The following IGF1R variants were observed in gnomAD, a reference collection of about 807,000 sequenced individuals.
The protein encoded by IGF1R is insulin-like growth factor 1 receptor.
IGF1R carries 44 observed loss-of-function variants against 144.6 expected under a neutral mutation model. The observed-to-expected ratio is 0.30, with a 90% confidence interval of 0.24 to 0.39. IGF1R has a LOEUF of 0.39. Ranked by LOEUF, IGF1R falls within the 10% of genes least tolerant of loss-of-function variation. The pLI is 1.00. For synonymous variants in IGF1R, 795 were observed against 722.8 expected (o/e 1.10, Z -1.60); for missense variants, 1,355 against 1,833.7 (o/e 0.74, Z 4.77).
chr15:98,726,310 C>T (rs1053898074), intron 2 of IGF1R, among the ~76,000 whole-genome samples: 1 of 152,206 alleles, frequency 6.6e-6, no homozygotes, highest in Non-Finnish European at 1.5e-5. Flanking sequence ...TCACCTAATA[C>T]TTCCTAGTGG....
At chr15:98,721,502 G>GGGAGGAGGAAGGGAA (rs2054245845) in intron 2 of IGF1R, among the ~76,000 whole-genome samples, 1 of 152,178 alleles carries the variant, frequency 6.6e-6, no homozygotes, top group Admixed American at 6.5e-5. Context: ...GTTCTCTTGG[G>GGGAGGAGGAAGGGAA]GGAGGAGGAA....
In IGF1R at chr15:98,935,117, A is replaced by G; in HGVS notation, c.3186+64A>G. 2 of 1,365,896 alleles carry G rather than the reference A, an allele frequency of 1.5e-6. No homozygotes were observed. The highest frequency in any genetic ancestry group is 2.2e-4 in the Middle Eastern group (1 of 4,606). 84.6% of individuals were successfully genotyped at this position (1,365,896 alleles called of 1,614,324 possible). Reference sequence around the variant, plus strand: ...GGAGAGGGTATCACACAAGCCTCCCAGTATGTTCTTGGCTGCATGTACCCG... The same window carrying G: ...GGAGAGGGTATCACACAAGCCTCCCGGTATGTTCTTGGCTGCATGTACCCG... On this transcript the variant is annotated intron_variant, in intron 16 of 20. Coordinates refer to ENST00000650285, the MANE Select transcript of IGF1R (RefSeq NM_000875.5). The surrounding 1 kb of genome is among the most constrained non-coding windows in gnomAD (Gnocchi z 4.2).
chr15:98,658,417 G>C (rs568534914), intron 1 of IGF1R, among the ~76,000 whole-genome samples: 2 of 152,190 alleles, frequency 1.3e-5, no homozygotes, highest in South Asian at 4.1e-4. Flanking sequence ...AAATATTTGG[G>C]GGAGACATTT....
At position 98,831,581 on chromosome 15, in the gene IGF1R, T is replaced by C. The variant is rs188932427; in HGVS notation, c.641-59744T>C. ...CAACACTCCTAAAACAAAAGATAGATTAATAAGAGAAAAACCTAACAAATT... is the reference window on the plus strand; with the variant it reads ...CAACACTCCTAAAACAAAAGATAGACTAATAAGAGAAAAACCTAACAAATT... On this transcript the variant is annotated intron_variant, in intron 2 of 20. Coordinates refer to ENST00000650285, the MANE Select transcript of IGF1R (RefSeq NM_000875.5). 7.4e-4 allele frequency among the ~76,000 whole-genome samples: 113 copies of C among 152,260 alleles called. 1 individual carries two copies. The highest frequency in any genetic ancestry group is 2.6e-3 in the African/African-American group (106 of 41,546).
intron 1 of IGF1R, among the ~76,000 whole-genome samples, chr15:98,668,900 C>T (rs2052813700): frequency 6.6e-6 from 1 of 152,220 alleles, no homozygotes; most frequent in Non-Finnish European, 1.5e-5. Context: ...TCAGAGCCCT[C>T]AGTAGTACTT....
intron 2 of IGF1R, among the ~76,000 whole-genome samples, chr15:98,771,169 ATCAT>A (rs1294384214): frequency 6.6e-6 from 1 of 152,192 alleles, no homozygotes; most frequent in Non-Finnish European, 1.5e-5. Flanking sequence ...TATTCCATTC[ATCAT>A]TCATCCCTCC....
At chr15:98,753,396 T>TTGTA (rs2055069706) in intron 2 of IGF1R, among the ~76,000 whole-genome samples, 1 of 143,672 alleles carries the variant, frequency 7.0e-6, no homozygotes, top group Non-Finnish European at 1.5e-5. Flanking sequence ...TTTTTTTTTT[T>TTGTA]TTTTTTTTGT....
intron 2 of IGF1R, among the ~76,000 whole-genome samples, chr15:98,884,604 G>A (rs147462911): frequency 1.6e-4 from 23 of 148,228 alleles, no homozygotes; most frequent in African/African-American, 4.2e-4. Context: ...GCAAGAATCC[G>A]GAAGGCAAAG....
At chr15:98,657,275 C>G (rs1221414337) in intron 1 of IGF1R, among the ~76,000 whole-genome samples, 3 of 152,152 alleles carry the variant, frequency 2.0e-5, no homozygotes, top group Non-Finnish European at 4.4e-5. Flanking sequence ...TCTTAGTGAC[C>G]TTTGATAACT....
rs142686483 is a variant in IGF1R, at chr15:98,825,116, G to C, written c.641-66209G>C. On this transcript the variant is annotated intron_variant, in intron 2 of 20. Coordinates refer to ENST00000650285, the MANE Select transcript of IGF1R (RefSeq NM_000875.5). ...GACCTCCCAAAGTGCTGGGATTACAGGCATGAGCCACCATGCCCGGTTGTT... is the reference window on the plus strand; with the variant it reads ...GACCTCCCAAAGTGCTGGGATTACACGCATGAGCCACCATGCCCGGTTGTT... 2.7e-3 allele frequency among the ~76,000 whole-genome samples: 410 copies of C among 152,302 alleles called. 2 individuals are homozygous for C. The highest frequency in any genetic ancestry group is 9.6e-3 in the African/African-American group (398 of 41,560).
At chr15:98,887,719 T>C (rs11630259) in intron 2 of IGF1R, among the ~76,000 whole-genome samples, 37,354 of 152,198 alleles carry the variant, frequency 0.25, 4,894 homozygotes, top group Middle Eastern at 0.41. Context: ...TAACCAGTTT[T>C]ACTGAACCTC....
intron 1 of IGF1R, among the ~76,000 whole-genome samples, chr15:98,677,902 T>C (rs1160863110): frequency 1.3e-5 from 2 of 152,208 alleles, no homozygotes; most frequent in Admixed American, 1.3e-4. Context: ...TGGTTGGTCA[T>C]AGGGTCTTGC....
chr15:98,883,365 T>TA, intron 2 of IGF1R, among the ~76,000 whole-genome samples: 1 of 152,362 alleles, frequency 6.6e-6, no homozygotes, highest in East Asian at 1.9e-4. Flanking sequence ...CTTGTCTTCA[T>TA]TTTGAGAAAA....
chr15:98,880,961 T>G (rs2013340794), intron 2 of IGF1R: 2 of 152,208 alleles, frequency 1.3e-5, no homozygotes, highest in African/African-American at 4.8e-5. Flanking sequence ...CAAACAAGTC[T>G]TAGTAATGAG....
In IGF1R at chr15:98,684,838, G is replaced by A. The variant is rs573342574; in HGVS notation, c.95-22724G>A. Among the ~76,000 whole-genome samples the A allele has an allele frequency of 8.6e-5, 13 of 151,528 alleles. No individual in the cohort carries two copies. In the South Asian group the frequency reaches 1.0e-3, roughly 12 times the overall value. On this transcript the variant is annotated intron_variant, in intron 1 of 20. Coordinates refer to ENST00000650285, the MANE Select transcript of IGF1R (RefSeq NM_000875.5). Reference sequence around the variant, plus strand: ...AGTGTGATTTGGGGCAAATTATTTCGTCTCCCTGAGCTTCAGAATGTTTGA... The same window carrying A: ...AGTGTGATTTGGGGCAAATTATTTCATCTCCCTGAGCTTCAGAATGTTTGA...
At chr15:98,852,210 G>A (rs1301442926) in intron 2 of IGF1R, among the ~76,000 whole-genome samples, 1 of 152,210 alleles carries the variant, frequency 6.6e-6, no homozygotes, top group African/African-American at 2.4e-5. Flanking sequence ...TTCTGGCGCA[G>A]GGGCTCCGGG....
Position 98,959,865 on chromosome 15 carries a change from A to C in IGF1R, c.*2423A>C. 4.3e-6 allele frequency: 1 copy of C among 233,110 alleles called. No individual in the cohort carries two copies. 14.4% of individuals were successfully genotyped at this position (233,110 alleles called of 1,614,324 possible). A position where few individuals can be genotyped will look rare whatever the true frequency, so the allele number is the denominator to read the frequency against. On this transcript the variant is annotated 3_prime_UTR_variant, in exon 21 of 21. Coordinates refer to ENST00000650285, the MANE Select transcript of IGF1R (RefSeq NM_000875.5). ...TAGCGTGTTCCCTTTAAAAAAAAAA[A>C]AAAGGTATTATATGTAGGAGTTTTC...
chr15:98,873,534 G>A (rs1365612486), intron 2 of IGF1R, among the ~76,000 whole-genome samples: 1 of 152,222 alleles, frequency 6.6e-6, no homozygotes, highest in Non-Finnish European at 1.5e-5. Flanking sequence ...CTCTGCTCCT[G>A]TGTGCACCAT....
intron 2 of IGF1R, among the ~76,000 whole-genome samples, chr15:98,736,617 CTTTTT>C (rs969700504): frequency 1.5e-5 from 2 of 133,044 alleles, no homozygotes; most frequent in African/African-American, 3.1e-5. Flanking sequence ...TTTCTTTTTT[CTTTTT>C]TTTTTTTGAG....
Sources: allele counts gnomAD v4.1 joint callset (sites outside exome capture counted in the v4.1 genomes callset), GRCh38; gene constraint gnomAD v4.1.1; non-coding constraint Gnocchi (gnomAD v3.1); transcripts MANE v1.5; gene names NCBI Gene and HGNC (gene_info 2026-07-23, HGNC 2026-07-21).